CLDN20: variants seen among roughly 807,000 people sequenced by gnomAD.
The protein encoded by CLDN20 is claudin 20.
For missense variants in CLDN20, 258 were observed against 267.9 expected, an observed-to-expected ratio of 0.96 and a Z score of 0.26; for synonymous variants, 104 against 103.6, an observed-to-expected ratio of 1.00 and a Z score of -0.03.
chr6:155,267,044 G>A (rs1296250244), intron 1 of CLDN20, among the ~76,000 whole-genome samples: 3 of 148,302 alleles, frequency 2.0e-5, no homozygotes, highest in African/African-American at 5.0e-5. Flanking sequence ...GCATGATCTC[G>A]GCTCACTGCA....
intron 1 of CLDN20, among the ~76,000 whole-genome samples, chr6:155,267,961 C>G (rs1394514583): frequency 2.6e-5 from 4 of 152,202 alleles, no homozygotes; most frequent in Non-Finnish European, 5.9e-5. Flanking sequence ...ACTGAAACAT[C>G]TGAAACCAAT....
chr6:155,273,478 C>A (rs1336500050), intron 1 of CLDN20, among the ~76,000 whole-genome samples: 2 of 152,124 alleles, frequency 1.3e-5, no homozygotes, highest in Non-Finnish European at 2.9e-5. Context: ...AATATTTAAC[C>A]AAAGCCAGGC....
Position 155,276,091 on chromosome 6 carries a change from T to C in CLDN20, c.372T>C (p.Cys124=). The change falls in exon 2 of 2, where the codon TGT becomes TGC. Residue 124 remains cysteine (C), a synonymous_variant. Transcript: ENST00000367165. ...ATGCTTCCTTTGCTGGAGGAGTCTG[T>C]TTCATGTCTGCAGGAATCTCTAGTT... ...KSHASFAGGV[C]FMSAGISSLI... is the part of the protein sequence containing the mutation. 1 of 1,614,176 alleles carries C rather than the reference T, an allele frequency of 6.2e-7. No individual in the cohort carries two copies. The highest frequency in any genetic ancestry group is 8.5e-7 in the Non-Finnish European group (1 of 1,180,026).
At position 155,276,040 on chromosome 6, in the gene CLDN20, A is replaced by T; in HGVS notation, c.321A>T (p.Leu107Phe). Residue 107 changes from leucine to phenylalanine, a missense_variant, in exon 2 of 2, where the codon TTA becomes TTT. By Grantham distance (22) the Leu-to-Phe change is conservative (BLOSUM62 0). Coordinates refer to ENST00000367165, the MANE Select transcript of CLDN20 (RefSeq NM_001001346.3). ...TSTVGMKCTR[L>F]GGDRETKSHA... The stretch of plus-strand genomic sequence containing the variant: ...CAGTAGGAATGAAATGTACTCGCTT[A>T]GGAGGGGACAGAGAAACCAAGAGCC... The T allele has an allele frequency of 6.2e-7, 1 of 1,614,182 alleles. No homozygotes were observed. Among genetic ancestry groups the T allele is most frequent in the Non-Finnish European group, 8.5e-7 (1 of 1,180,036 alleles).
Position 155,275,744 on chromosome 6 carries a change from C to T in CLDN20, c.25C>T (p.Leu9Phe), listed in dbSNP as rs1397554127. Residue 9 changes from leucine to phenylalanine, a missense_variant, in exon 2 of 2, where the codon CTT (leucine) becomes TTT (phenylalanine). Leu to Phe is a conservative substitution (Grantham distance 22). Transcript: ENST00000367165. ...CATGGCCTCAGCAGGACTCCAGCTC[C>T]TTGCTTTCATCCTGGCCTTATCTGG... MASAGLQL[L>F]AFILALSGVS... The T allele has an allele frequency of 6.2e-7, 1 of 1,614,014 alleles. No homozygotes were observed. Among genetic ancestry groups the T allele is most frequent in the Admixed American group, 1.7e-5 (1 of 60,012 alleles).
At chr6:155,273,263 A>G (rs1785025226) in intron 1 of CLDN20, among the ~76,000 whole-genome samples, 1 of 152,224 alleles carries the variant, frequency 6.6e-6, no homozygotes, top group Non-Finnish European at 1.5e-5. Context: ...AGGCACACTG[A>G]TGTCTACAGA....
At chr6:155,268,857 T>C (rs947296602) in intron 1 of CLDN20, among the ~76,000 whole-genome samples, 1 of 149,580 alleles carries the variant, frequency 6.7e-6, no homozygotes, top group Non-Finnish European at 1.5e-5. Flanking sequence ...AGACCTTTGT[T>C]CACTTGTTTA....
intron 1 of CLDN20, among the ~76,000 whole-genome samples, chr6:155,273,545 T>G (rs1288741828): frequency 6.6e-6 from 1 of 152,214 alleles, no homozygotes; most frequent in African/African-American, 2.4e-5. Context: ...TAACATCCTC[T>G]ACAGTCCTTT....
chr6:155,268,234 T>C (rs1270323295), intron 1 of CLDN20, among the ~76,000 whole-genome samples: 1 of 152,194 alleles, frequency 6.6e-6, no homozygotes, highest in Non-Finnish European at 1.5e-5. Flanking sequence ...CTCCACACCA[T>C]AGCCAAGTGC....
chr6:155,275,765 T>C lies in CLDN20; in HGVS notation c.46T>C (p.Ser16Pro). The C allele has an allele frequency of 6.2e-7, 1 of 1,614,136 alleles. No homozygotes were observed. Among genetic ancestry groups the C allele is most frequent in the Non-Finnish European group, 8.5e-7 (1 of 1,180,016 alleles). ...LQLLAFILAL[S>P]GVSGVLTATL... Reference sequence around the variant, plus strand: ...GCTCCTTGCTTTCATCCTGGCCTTATCTGGGGTCTCTGGAGTGCTCACAGC... The same window carrying C: ...GCTCCTTGCTTTCATCCTGGCCTTACCTGGGGTCTCTGGAGTGCTCACAGC... The change falls in exon 2 of 2, where the codon TCT (serine) becomes CCT (proline). Residue 16 changes from serine to proline, a missense_variant. Physicochemically the swap from Ser to Pro is moderately conservative, Grantham distance 74 (BLOSUM62 -1). Coordinates refer to ENST00000367165, the MANE Select transcript of CLDN20 (RefSeq NM_001001346.3).
rs188074953 is a variant in CLDN20, at chr6:155,269,447, G to A, written c.-105+5159G>A. The stretch of plus-strand genomic sequence containing the variant: ...AGCGATTCTCTTGCCTCAGCCTCCC[G>A]AGAAGCTGGGGCTAATGGCATGTGC... On this transcript the variant is annotated intron_variant, in intron 1 of 1. Transcript: ENST00000367165. 9.4e-3 allele frequency among the ~76,000 whole-genome samples: 1,407 copies of A among 150,312 alleles called. 13 individuals are homozygous for A. Among genetic ancestry groups the A allele is most frequent in the South Asian group, 0.025 (116 of 4,730 alleles).
At chr6:155,275,556 G>A in intron 1 of CLDN20, 60 bp from the exon 2 acceptor site, 4 of 686,320 alleles carry the variant, frequency 5.8e-6, no homozygotes, top group South Asian at 5.5e-5. Context: ...TACTCTAAAG[G>A]GAAGCCTTTT....
chr6:155,268,403 C>CATA (rs1491364870), intron 1 of CLDN20, among the ~76,000 whole-genome samples: 2 of 152,214 alleles, frequency 1.3e-5, no homozygotes, highest in East Asian at 3.8e-4. Flanking sequence ...AGGTCTCTCT[C>CATA]ATAAGCCTGT....
intron 1 of CLDN20, among the ~76,000 whole-genome samples, chr6:155,267,085 G>A (rs1158805742): frequency 2.0e-5 from 3 of 150,034 alleles, no homozygotes; most frequent in East Asian, 4.0e-4. Flanking sequence ...AGCAATTCTC[G>A]TGTCTCAGCC....
rs1367069746 is a variant in CLDN20, at chr6:155,276,270, C to G, written c.551C>G (p.Ser184Cys). 5.6e-6 allele frequency: 9 copies of G among 1,614,146 alleles called. No homozygotes were observed. Among genetic ancestry groups the G allele is most frequent in the Non-Finnish European group, 7.6e-6 (9 of 1,180,032 alleles). The change falls in exon 2 of 2, where the codon TCC becomes TGC. Residue 184 changes from serine (S) to cysteine (C), a missense_variant. Transcript: ENST00000367165. ...LFISGMIFCT[S>C]CIKRNPEARL... ...ATCTCTGGCATGATTTTCTGCACCT[C>G]CTGTATAAAAAGGAATCCAGAAGCT...
chr6:155,268,759 C>T (rs9397795), intron 1 of CLDN20, among the ~76,000 whole-genome samples: 49,697 of 148,448 alleles, frequency 0.33, 8,570 homozygotes, highest in African/African-American at 0.41. Flanking sequence ...AGCATGCTTG[C>T]TAAGAGTCAT....
chr6:155,266,846 CAAAAAAAAAAA>C (rs1213939199), intron 1 of CLDN20, among the ~76,000 whole-genome samples: 4 of 62,832 alleles, frequency 6.4e-5, no homozygotes, highest in South Asian at 7.4e-4. Context: ...GACTCCGTCT[CAAAAAAAAAAA>C]AAAAAAAAAA....
chr6:155,267,409 C>G (rs1784706791), intron 1 of CLDN20, among the ~76,000 whole-genome samples: 1 of 152,214 alleles, frequency 6.6e-6, no homozygotes, highest in Admixed American at 6.5e-5. Context: ...AAATTAGGGC[C>G]TACACACAGA....
intron 1 of CLDN20, among the ~76,000 whole-genome samples, chr6:155,270,605 G>C (rs946393529): frequency 6.6e-6 from 1 of 152,064 alleles, no homozygotes; most frequent in Non-Finnish European, 1.5e-5. Flanking sequence ...CATGTTTTGA[G>C]AATAGAAATG....
Sources: gnomAD v4.1 joint callset for allele counts (sites outside exome capture counted in the v4.1 genomes callset) on GRCh38, gnomAD v4.1.1 for gene constraint, MANE v1.5 for transcripts, NCBI Gene and HGNC (gene_info 2026-07-23, HGNC 2026-07-21) for gene names.